The following MIR2052HG variants were observed in gnomAD, a reference collection of about 807,000 sequenced individuals.
MIR2052HG encodes MIR2052 host gene.
intron 4 of MIR2052HG, among the ~76,000 whole-genome samples, chr8:74,721,659 T>A (rs1359618873): frequency 5.3e-5 from 8 of 152,026 alleles, no homozygotes; most frequent in African/African-American, 1.9e-4. Context: ...TCCAAGAGGG[T>A]GAAAGGAAAG....
At chr8:74,631,568 A>G (rs1184298985) in intron 2 of MIR2052HG, among the ~76,000 whole-genome samples, 1 of 152,224 alleles carries the variant, frequency 6.6e-6, no homozygotes, top group Non-Finnish European at 1.5e-5. Flanking sequence ...TGTTTAAGGT[A>G]CTTCAACAGC....
At chr8:74,714,183 T>A (rs960662027) in intron 4 of MIR2052HG, among the ~76,000 whole-genome samples, 1 of 152,302 alleles carries the variant, frequency 6.6e-6, no homozygotes, top group African/African-American at 2.4e-5. Flanking sequence ...CTGGAAAGCT[T>A]CCTTGGCAGA....
intron 4 of MIR2052HG, among the ~76,000 whole-genome samples, chr8:74,733,866 T>G (rs914312833): frequency 6.6e-6 from 1 of 151,928 alleles, no homozygotes; most frequent in African/African-American, 2.4e-5. Flanking sequence ...GTTTTTTGGC[T>G]GCATAAATGT....
chr8:74,735,019 C>A (rs1389204751), intron 4 of MIR2052HG, among the ~76,000 whole-genome samples: 1 of 152,178 alleles, frequency 6.6e-6, no homozygotes, highest in Non-Finnish European at 1.5e-5. Context: ...CCATTTGTAT[C>A]ATTATTCAAA....
At chr8:74,610,405 T>C (rs1808177882) in intron 1 of MIR2052HG, among the ~76,000 whole-genome samples, 2 of 151,930 alleles carry the variant, frequency 1.3e-5, no homozygotes, top group Middle Eastern at 6.8e-3. Flanking sequence ...ATGTTCATAG[T>C]TTGGAAGATT....
chr8:74,662,242 T>C (rs746867403), intron 2 of MIR2052HG, among the ~76,000 whole-genome samples: 53 of 152,306 alleles, frequency 3.5e-4, no homozygotes, highest in Admixed American at 1.0e-3. Flanking sequence ...TCTCCCACAA[T>C]AATGTCAACC....
intron 2 of MIR2052HG, among the ~76,000 whole-genome samples, chr8:74,676,045 A>G (rs1809047822): frequency 6.6e-6 from 1 of 152,088 alleles, no homozygotes; most frequent in African/African-American, 2.4e-5. Flanking sequence ...TAATAAAGTC[A>G]GAAGACTATG....
At chr8:74,614,407 T>C (rs1434828113) in intron 2 of MIR2052HG, among the ~76,000 whole-genome samples, 1 of 152,228 alleles carries the variant, frequency 6.6e-6, no homozygotes, top group African/African-American at 2.4e-5. Flanking sequence ...GTGGCTATCC[T>C]GGTCCTTGCT....
chr8:74,717,768 A>G (rs1204878781), intron 4 of MIR2052HG, among the ~76,000 whole-genome samples: 1 of 151,982 alleles, frequency 6.6e-6, no homozygotes. Flanking sequence ...CAATCACACC[A>G]CTGCACTCTA....
At chr8:74,706,610 G>T (rs1809413703) in intron 4 of MIR2052HG, among the ~76,000 whole-genome samples, 1 of 151,970 alleles carries the variant, frequency 6.6e-6, no homozygotes, top group Non-Finnish European at 1.5e-5. Context: ...TTGTATCATT[G>T]TTTCATTTGC....
chr8:74,756,310 T>A (rs763638031), intron 5 of MIR2052HG, among the ~76,000 whole-genome samples: 1 of 152,218 alleles, frequency 6.6e-6, no homozygotes, highest in Admixed American at 6.5e-5. Context: ...GTGTGGTTAG[T>A]CTTTCAAGGT....
chr8:74,627,968 G>A (rs1019814193), intron 2 of MIR2052HG, among the ~76,000 whole-genome samples: 2 of 152,120 alleles, frequency 1.3e-5, no homozygotes, highest in East Asian at 3.8e-4. Context: ...TTGATTGTTG[G>A]CTTAAGTTGA....
intron 1 of MIR2052HG, among the ~76,000 whole-genome samples, chr8:74,611,377 A>C (rs948830462): frequency 3.3e-5 from 5 of 152,176 alleles, no homozygotes; most frequent in Non-Finnish European, 5.9e-5. Context: ...GGAAATATAA[A>C]GCAGTAAAAC....
At chr8:74,700,122 C>A (rs1421340190) in intron 2 of MIR2052HG, among the ~76,000 whole-genome samples, 2 of 151,998 alleles carry the variant, frequency 1.3e-5, no homozygotes, top group Non-Finnish European at 2.9e-5. Flanking sequence ...TTTTAAACTG[C>A]CAGTATACTA....
At chr8:74,697,130 T>C (rs576523761) in intron 2 of MIR2052HG, among the ~76,000 whole-genome samples, 2 of 152,084 alleles carry the variant, frequency 1.3e-5, no homozygotes, top group Non-Finnish European at 2.9e-5. Flanking sequence ...TAATCCACCA[T>C]GATCAAGTGG....
intron 2 of MIR2052HG, among the ~76,000 whole-genome samples, chr8:74,673,893 A>ATG (rs1334879433): frequency 7.6e-6 from 1 of 131,438 alleles, no homozygotes; most frequent in African/African-American, 3.5e-5. Context: ...TTTTGTATAT[A>ATG]TATATATATA....
Position 74,612,757 on chromosome 8 carries a change from C to T in MIR2052HG, n.129-96C>T, listed in dbSNP as rs114153988. The T allele has an allele frequency of 1.2e-3, 457 of 383,898 alleles. 3 individuals are homozygous for T. Among genetic ancestry groups the T allele is most frequent in the African/African-American group, 8.2e-3 (390 of 47,434 alleles). 23.8% of individuals were successfully genotyped at this position (383,898 alleles called of 1,614,324 possible). On this transcript the variant is annotated intron_variant and non_coding_transcript_variant, in intron 1 of 6. Transcript: ENST00000523442. ...CTGTAAAAACATATTGCTTTTAATA[C>T]ATTTTAGTTATTTTTCTTTCTTCAT...
chr8:74,741,742 G>T (rs569143111), intron 4 of MIR2052HG, among the ~76,000 whole-genome samples: 2 of 152,064 alleles, frequency 1.3e-5, no homozygotes, highest in Non-Finnish European at 2.9e-5. Context: ...TCTGTGTAAG[G>T]CACGTCACAG....
intron 4 of MIR2052HG, among the ~76,000 whole-genome samples, chr8:74,722,284 AT>A (rs1479181931): frequency 6.6e-6 from 1 of 152,222 alleles, no homozygotes; most frequent in Non-Finnish European, 1.5e-5. Flanking sequence ...CTTGCATTTT[AT>A]TTAAGTAATT....
Sources: allele counts gnomAD v4.1 joint callset (sites outside exome capture counted in the v4.1 genomes callset), GRCh38; gene constraint gnomAD v4.1.1; transcripts MANE v1.5; gene names NCBI Gene and HGNC (gene_info 2026-07-23, HGNC 2026-07-21).